The following PLD5 variants were observed in gnomAD, a reference collection of about 807,000 sequenced individuals.
The protein encoded by PLD5 is inactive phospholipase D5.
In PLD5, 36 loss-of-function variants were observed where a neutral mutation model predicts 61.1. That is an observed-to-expected ratio of 0.59 (90% confidence interval 0.45 to 0.78). The LOEUF is 0.78. PLD5 is among the 30% of genes least tolerant of loss of function. The pLI, the probability that PLD5 is intolerant of heterozygous loss-of-function variation, is 0.00. For missense variants in PLD5, 515 were observed against 644.4 expected (o/e 0.80, Z 2.17); for synonymous variants, 243 against 242.8 (o/e 1.00, Z -0.01).
chr1:242,391,551 T>A (rs939607798), intron 1 of PLD5, among the ~76,000 whole-genome samples: 3 of 103,372 alleles, frequency 2.9e-5, no homozygotes, highest in African/African-American at 1.2e-4. Flanking sequence ...AAGGTTCGCA[T>A]TCTTTTAATC....
intron 1 of PLD5, among the ~76,000 whole-genome samples, chr1:242,520,698 A>G (rs1669253697): frequency 6.6e-6 from 1 of 152,172 alleles, no homozygotes; most frequent in Non-Finnish European, 1.5e-5. Flanking sequence ...AAAAAAGAAA[A>G]ATGTTCAAAA....
At chr1:242,121,937 G>A (rs1025305823) in intron 6 of PLD5, among the ~76,000 whole-genome samples, 9 of 118,350 alleles carry the variant, frequency 7.6e-5, no homozygotes, top group African/African-American at 2.9e-4. Flanking sequence ...ACCAGGGCCT[G>A]TCATGGGGTG....
chr1:242,239,473 G>A (rs1671854401), intron 4 of PLD5, among the ~76,000 whole-genome samples: 1 of 152,178 alleles, frequency 6.6e-6, no homozygotes, highest in African/African-American at 2.4e-5. Flanking sequence ...AGACAGCTGA[G>A]GAGGTCTTTG....
At chr1:242,381,537 C>A (rs553570030) in intron 1 of PLD5, among the ~76,000 whole-genome samples, 1 of 152,248 alleles carries the variant, frequency 6.6e-6, no homozygotes, top group Admixed American at 6.5e-5. Flanking sequence ...TGGACATGTA[C>A]CCTGGAACTT....
intron 1 of PLD5, among the ~76,000 whole-genome samples, chr1:242,362,985 C>T (rs1386505995): frequency 1.3e-5 from 2 of 152,162 alleles, no homozygotes; most frequent in African/African-American, 4.8e-5. Flanking sequence ...ACCACAATCC[C>T]TAAGTTGAGG....
chr1:242,164,712 C>T (rs1441825005), intron 5 of PLD5, among the ~76,000 whole-genome samples: 9 of 110,632 alleles, frequency 8.1e-5, no homozygotes, highest in Non-Finnish European at 1.3e-4. Flanking sequence ...ACTTTCACAA[C>T]CTTCATTACA....
At position 242,254,648 on chromosome 1, in the gene PLD5, C is replaced by G. The variant is rs1421502719; in HGVS notation, c.607+10689G>C. On this transcript the variant is annotated intron_variant, in intron 4 of 9. Transcript: ENST00000536534. ...TCACACCATTGCCCTCCAGCCTGGG[C>G]AACAAGAGTGAAATTCGTCTCAAAC... is the stretch of plus-strand genomic sequence containing the variant. 2.6e-5 allele frequency among the ~76,000 whole-genome samples: 4 copies of G among 151,988 alleles called. No homozygotes were observed. The East Asian group carries it at 7.7e-4, about 29-fold the overall frequency.
In PLD5 at chr1:242,167,108, AT is replaced by A. The variant is rs1243496240; in HGVS notation, c.736-42444del. ...AATAATAATAATAATAATAATAATA[AT>A]AATAATAAATAGTAGCCATGTTGGC... is the stretch of plus-strand genomic sequence containing the variant. On this transcript the variant is annotated intron_variant, in intron 5 of 9. Coordinates refer to ENST00000536534, the MANE Select transcript of PLD5 (RefSeq NM_001372062.1). Among the ~76,000 whole-genome samples the A allele has an allele frequency of 3.1e-3, 443 of 145,234 alleles. 2 individuals carry two copies. The highest frequency in any genetic ancestry group is 0.01 in the African/African-American group (391 of 38,480).
chr1:242,208,589 A>G (rs1224223357), intron 5 of PLD5, among the ~76,000 whole-genome samples: 4 of 152,186 alleles, frequency 2.6e-5, no homozygotes, highest in African/African-American at 9.7e-5. Flanking sequence ...GATTAGATGC[A>G]TCAGTGATTC....
At chr1:242,439,521 G>C (rs1329390912) in intron 1 of PLD5, among the ~76,000 whole-genome samples, 2 of 152,174 alleles carry the variant, frequency 1.3e-5, no homozygotes, top group Non-Finnish European at 2.9e-5. Flanking sequence ...AAAAAGAGAA[G>C]GGCATAGAAT....
chr1:242,103,757 A>G (rs952722002), intron 8 of PLD5, among the ~76,000 whole-genome samples: 1 of 152,190 alleles, frequency 6.6e-6, no homozygotes, highest in Non-Finnish European at 1.5e-5. Context: ...CTGTGGTAGT[A>G]ATCACAGTCA....
intron 2 of PLD5, among the ~76,000 whole-genome samples, chr1:242,297,402 ACTTTT>A (rs370226002): frequency 0.86 from 110,941 of 129,434 alleles, 47,810 homozygotes; most frequent in East Asian, 0.93. Flanking sequence ...ACCCTTCAAG[ACTTTT>A]TTTTTTTTTT....
chr1:242,097,434 T>C (rs1660333416), intron 9 of PLD5, among the ~76,000 whole-genome samples: 1 of 152,218 alleles, frequency 6.6e-6, no homozygotes, highest in Non-Finnish European at 1.5e-5. Context: ...TTTTTAATGA[T>C]TGCCATTCTA....
chr1:242,401,709 G>A (rs936530607), intron 1 of PLD5, among the ~76,000 whole-genome samples: 3 of 152,110 alleles, frequency 2.0e-5, no homozygotes, highest in Non-Finnish European at 4.4e-5. Flanking sequence ...CACCTCCTCG[G>A]AGAAGCTACC....
At chr1:242,275,505 G>C (rs1414007195) in intron 3 of PLD5, among the ~76,000 whole-genome samples, 1 of 152,082 alleles carries the variant, frequency 6.6e-6, no homozygotes, top group Non-Finnish European at 1.5e-5. Context: ...AATGACCTTG[G>C]ATAAAGAGAA....
At chr1:242,095,987 C>G (rs1020255902) in intron 9 of PLD5, among the ~76,000 whole-genome samples, 4 of 151,996 alleles carry the variant, frequency 2.6e-5, no homozygotes, top group Admixed American at 2.0e-4. Context: ...ACAGAGGACT[C>G]TCACTCTGTC....
intron 4 of PLD5, among the ~76,000 whole-genome samples, chr1:242,258,380 G>A (rs1425200843): frequency 6.6e-6 from 1 of 152,132 alleles, no homozygotes; most frequent in Non-Finnish European, 1.5e-5. Context: ...TGTGGTATGA[G>A]GAATGGTCAT....
intron 1 of PLD5, among the ~76,000 whole-genome samples, chr1:242,401,222 G>A (rs567308001): frequency 1.3e-5 from 2 of 152,174 alleles, no homozygotes; most frequent in East Asian, 3.9e-4. Flanking sequence ...GTCCCCATCA[G>A]CAGTACCTCC....
chr1:242,358,964 G>T (rs1166779859), intron 1 of PLD5, among the ~76,000 whole-genome samples: 1 of 152,068 alleles, frequency 6.6e-6, no homozygotes, highest in East Asian at 1.9e-4. Context: ...AGCTCCCAGG[G>T]GTAGGGTCAA....
Sources: allele counts gnomAD v4.1 joint callset (sites outside exome capture counted in the v4.1 genomes callset), GRCh38; gene constraint gnomAD v4.1.1; transcripts MANE v1.5; gene names NCBI Gene and HGNC (gene_info 2026-07-23, HGNC 2026-07-21).